SORBS2: variants seen among roughly 807,000 people sequenced by gnomAD.
The protein encoded by SORBS2 is sorbin and SH3 domain-containing protein 2.
SORBS2 carries 46 observed loss-of-function variants against 97.7 expected under a neutral mutation model. The ratio of observed to expected loss-of-function variants is 0.47; its 90% CI spans 0.37 to 0.60. SORBS2 has a LOEUF of 0.60. Ranked by LOEUF, SORBS2 falls within the 20% of genes least tolerant of loss-of-function variation. SORBS2 has a pLI of 0.00. For missense variants in SORBS2, 1,316 were observed against 1,282.3 expected (o/e 1.03, Z -0.40); for synonymous variants, 476 against 473.4 (o/e 1.01, Z -0.07).
At chr4:185,817,669 G>T (rs774551430) in intron 1 of SORBS2, among the ~76,000 whole-genome samples, 1 of 152,190 alleles carries the variant, frequency 6.6e-6, no homozygotes, top group Non-Finnish European at 1.5e-5. Context: ...AAACGCACCA[G>T]GCTCAGCAAA....
chr4:185,914,033 A>G (rs1051839983), intron 1 of SORBS2, among the ~76,000 whole-genome samples: 3 of 152,200 alleles, frequency 2.0e-5, no homozygotes, highest in African/African-American at 7.2e-5. Context: ...AAAGCTTAAA[A>G]ATAAGAAATT....
chr4:185,678,905 A>G, intron 2 of SORBS2, 83 bp from the exon 6 acceptor site: 1 of 755,078 alleles, frequency 1.3e-6, no homozygotes, highest in Non-Finnish European at 2.0e-6. Context: ...AAAGAACTAT[A>G]TGCATTGTTT....
chr4:185,624,553 A>G (rs2096777621), intron 6 of SORBS2, 59 bp from the exon 19 acceptor site: 1 of 1,514,296 alleles, frequency 6.6e-7, no homozygotes, highest in Non-Finnish European at 8.8e-7. Flanking sequence ...AAAGGTTCAC[A>G]AAGAGAGGAG....
chr4:185,824,967 T>C (rs1317221853), intron 1 of SORBS2, among the ~76,000 whole-genome samples: 1 of 152,200 alleles, frequency 6.6e-6, no homozygotes, highest in Middle Eastern at 3.2e-3. Context: ...TTCCAGGTTC[T>C]CTTCAGCCAT....
At chr4:185,784,838 A>G (rs1295540188) in intron 1 of SORBS2, among the ~76,000 whole-genome samples, 1 of 152,174 alleles carries the variant, frequency 6.6e-6, no homozygotes, top group Admixed American at 6.5e-5. Flanking sequence ...GCCCATTATC[A>G]TTTCCTAATG....
At chr4:185,806,107 A>G (rs1027128551) in intron 1 of SORBS2, among the ~76,000 whole-genome samples, 7 of 152,244 alleles carry the variant, frequency 4.6e-5, no homozygotes, top group African/African-American at 7.2e-5. Flanking sequence ...ACTCCTCTCA[A>G]TAGGTGGAAG....
intron 12 of SORBS2, among the ~76,000 whole-genome samples, chr4:185,603,880 T>C (rs2096339085): frequency 6.6e-6 from 1 of 152,224 alleles, no homozygotes; most frequent in Admixed American, 6.5e-5. Context: ...AGGATGATCC[T>C]TCCCACATCC....
intron 12 of SORBS2, among the ~76,000 whole-genome samples, chr4:185,603,349 G>A (rs1224751491): frequency 6.6e-6 from 1 of 152,122 alleles, no homozygotes; most frequent in Non-Finnish European, 1.5e-5. Flanking sequence ...ATATAAAGTG[G>A]CATTATTTAA....
chr4:185,645,231 T>C (rs1345973719), intron 4 of SORBS2, among the ~76,000 whole-genome samples: 1 of 152,232 alleles, frequency 6.6e-6, no homozygotes, highest in African/African-American at 2.4e-5. Context: ...AATTTTGTTA[T>C]TTAATTTAAA....
At chr4:185,894,200 C>G (rs1182274258) in intron 1 of SORBS2, 1 of 152,052 alleles carries the variant, frequency 6.6e-6, no homozygotes, top group East Asian at 1.9e-4. Flanking sequence ...ATTATGGGAA[C>G]ATATTGAAGG....
chr4:185,878,065 G>T (rs11734074), intron 1 of SORBS2, among the ~76,000 whole-genome samples: 61,811 of 151,694 alleles, frequency 0.41, 12,895 homozygotes, highest in East Asian at 0.56. Context: ...TAGTACATAT[G>T]ATTAAGGTAA....
At chr4:185,603,507 G>C (rs1178832492) in intron 12 of SORBS2, among the ~76,000 whole-genome samples, 1 of 152,156 alleles carries the variant, frequency 6.6e-6, no homozygotes, top group Non-Finnish European at 1.5e-5. Context: ...GGTGGTAGTG[G>C]TTTTGAGATT....
intron 2 of SORBS2, among the ~76,000 whole-genome samples, chr4:185,744,619 C>T (rs2098749071): frequency 1.3e-5 from 2 of 152,356 alleles, no homozygotes; most frequent in South Asian, 4.1e-4. Context: ...GAGCCTGCCA[C>T]ATCGGATTAA....
intron 2 of SORBS2, among the ~76,000 whole-genome samples, chr4:185,718,993 A>G (rs1407349927): frequency 6.6e-6 from 1 of 152,234 alleles, no homozygotes; most frequent in African/African-American, 2.4e-5. Flanking sequence ...TGCCCTGCAA[A>G]TGAGTCACAC....
Position 185,931,082 on chromosome 4 carries a change from G to A in SORBS2, c.-338+25114C>T, listed in dbSNP as rs539188266. Among the ~76,000 whole-genome samples the A allele has an allele frequency of 3.3e-5, 5 of 152,194 alleles. No homozygotes were observed. In the South Asian group the frequency reaches 8.3e-4, roughly 25 times the overall value. ...TTTTATGGTATAATTATAAGTATAT[G>A]AACAATTCTACACAGAATTACATAC... On this transcript the variant is annotated intron_variant, in intron 1 of 20. Coordinates refer to the SORBS2 transcript ENST00000284776.
intron 4 of SORBS2, among the ~76,000 whole-genome samples, chr4:185,636,334 G>A (rs1245735610): frequency 6.6e-5 from 10 of 152,156 alleles, no homozygotes; most frequent in East Asian, 3.9e-4. Flanking sequence ...GTTTATATTC[G>A]TTTACAGTCA....
chr4:185,665,923 G>C (rs889601564), intron 4 of SORBS2: 5 of 1,213,426 alleles, frequency 4.1e-6, no homozygotes, highest in Non-Finnish European at 5.3e-6. Context: ...TGTTGTCAGA[G>C]AGCCTGTGTC....
chr4:185,683,067 G>A (rs550490054), intron 2 of SORBS2, among the ~76,000 whole-genome samples: 5 of 151,332 alleles, frequency 3.3e-5, no homozygotes, highest in African/African-American at 4.9e-5. Context: ...CTTACTTTAC[G>A]TCTAATTGAC....
At chr4:185,938,317 T>G (rs2099270039) in intron 1 of SORBS2, among the ~76,000 whole-genome samples, 1 of 151,708 alleles carries the variant, frequency 6.6e-6, no homozygotes, top group Admixed American at 6.6e-5. Flanking sequence ...TTCTTAACAT[T>G]TTGTAGTTCA....
Sources: gnomAD v4.1 joint callset for allele counts (sites outside exome capture counted in the v4.1 genomes callset) on GRCh38, gnomAD v4.1.1 for gene constraint, MANE v1.5 for transcripts, NCBI Gene and HGNC (gene_info 2026-07-23, HGNC 2026-07-21) for gene names.